The following KCNIP2 variants were observed in gnomAD, a reference collection of about 807,000 sequenced individuals.
The protein encoded by KCNIP2 is A-type potassium channel modulatory protein KCNIP2.
A neutral mutation model predicts 39.0 loss-of-function variants in KCNIP2; 19 were observed. The observed-to-expected ratio is 0.49, with a 90% CI of 0.34 to 0.71. The LOEUF (loss-of-function observed/expected upper bound fraction) is 0.71. Among genes scored for constraint, KCNIP2 ranks in the 30% least tolerant of loss-of-function variants. KCNIP2 has a pLI of 0.01. For missense variants in KCNIP2, 261 were observed against 346.0 expected, an observed-to-expected ratio of 0.75 and a Z score of 1.95; for synonymous variants, 111 against 131.2, an observed-to-expected ratio of 0.85 and a Z score of 1.05.
intron 1 of KCNIP2, among the ~76,000 whole-genome samples, chr10:101,835,157 G>A (rs1287289746): frequency 1.3e-5 from 2 of 151,944 alleles, no homozygotes; most frequent in African/African-American, 2.4e-5. Flanking sequence ...TTTGGAGGGT[G>A]GGTCTACTGT....
At chr10:101,840,548 G>GCC (rs1462342239) in intron 1 of KCNIP2, among the ~76,000 whole-genome samples, 60 of 57,096 alleles carry the variant, frequency 1.1e-3, no homozygotes, top group African/African-American at 1.4e-3. Flanking sequence ...AGCCCCCCCC[G>GCC]CACCCCCCCC....
At chr10:101,835,536 C>G (rs2066126810) in intron 1 of KCNIP2, among the ~76,000 whole-genome samples, 1 of 152,100 alleles carries the variant, frequency 6.6e-6, no homozygotes, top group Non-Finnish European at 1.5e-5. Flanking sequence ...TCCTTAGGAA[C>G]TGTTATTGAG....
chr10:101,840,297 G>T (rs898720472), intron 1 of KCNIP2, among the ~76,000 whole-genome samples: 3 of 150,984 alleles, frequency 2.0e-5, no homozygotes, highest in African/African-American at 7.3e-5. Context: ...GGGGTAAGAG[G>T]ACAGAGTTGT....
At chr10:101,830,679 GCC>G (rs1010574132) in intron 2 of KCNIP2, among the ~76,000 whole-genome samples, 9 of 131,180 alleles carry the variant, frequency 6.9e-5, no homozygotes, top group African/African-American at 2.0e-4. Flanking sequence ...CGCTGGTCAC[GCC>G]CACACACACA....
At chr10:101,837,696 T>C (rs1440063145) in intron 1 of KCNIP2, among the ~76,000 whole-genome samples, 4 of 151,932 alleles carry the variant, frequency 2.6e-5, no homozygotes, top group Non-Finnish European at 1.5e-5. Context: ...TAATAATGAG[T>C]TGTTTAACCA....
intron 1 of KCNIP2, among the ~76,000 whole-genome samples, chr10:101,837,825 G>T (rs2066210797): frequency 6.6e-6 from 1 of 152,150 alleles, no homozygotes; most frequent in African/African-American, 2.4e-5. Context: ...AATCAAAAAG[G>T]GTCAAATTCC....
At position 101,843,617 on chromosome 10, in the gene KCNIP2, T is replaced by C; in HGVS notation, c.-49A>G. 8.3e-7 allele frequency: 1 copy of C among 1,207,158 alleles called. No individual in the cohort carries two copies. The highest frequency in any genetic ancestry group is 2.8e-5 in the East Asian group (1 of 35,238). The allele number at this position is 1,207,158 out of a possible 1,614,324, so 74.8% of individuals were successfully genotyped here. A position where few individuals can be genotyped will look rare whatever the true frequency, so the allele number is the denominator to read the frequency against. On this transcript the variant is annotated 5_prime_UTR_variant, in exon 1 of 10. Transcript: ENST00000356640. The surrounding 1 kb of genome is among the most constrained non-coding windows in gnomAD (Gnocchi z 6.7). ...CCGGGCCGTGGGAGGGGGCGCCGGG[T>C]GGCCGGGATAGGGCGCTCACACGGC...
At chr10:101,841,507 C>T (rs2135215298) in intron 1 of KCNIP2, among the ~76,000 whole-genome samples, 1 of 152,338 alleles carries the variant, frequency 6.6e-6, no homozygotes, top group East Asian at 1.9e-4. Flanking sequence ...CCTATTTCTA[C>T]TTTCCAAGTC....
chr10:101,827,831 G>A, intron 8 of KCNIP2, 58 bp downstream of exon 8: 1 of 1,543,022 alleles, frequency 6.5e-7, no homozygotes, highest in Non-Finnish European at 9.0e-7. Flanking sequence ...GTTCCCTGCT[G>A]GTTCTTGGCC....
At chr10:101,842,580 AC>A (rs967043542) in intron 1 of KCNIP2, among the ~76,000 whole-genome samples, 3 of 152,198 alleles carry the variant, frequency 2.0e-5, no homozygotes, top group African/African-American at 7.2e-5. Context: ...GAGAGGGCTG[AC>A]CCAGCACTAA....
intron 1 of KCNIP2, among the ~76,000 whole-genome samples, chr10:101,837,824 G>T (rs1250478909): frequency 6.6e-6 from 1 of 152,144 alleles, no homozygotes; most frequent in Non-Finnish European, 1.5e-5. Context: ...AAATCAAAAA[G>T]GGTCAAATTC....
At chr10:101,830,603 A>G (rs1467734082) in intron 2 of KCNIP2, among the ~76,000 whole-genome samples, 1 of 150,812 alleles carries the variant, frequency 6.6e-6, no homozygotes, top group Non-Finnish European at 1.5e-5. Context: ...CGCTGGCTTC[A>G]GCCGCACACG....
At chr10:101,830,501 C>T (rs1049088165) in intron 2 of KCNIP2, 32 of 1,236,126 alleles carry the variant, frequency 2.6e-5, no homozygotes, top group Non-Finnish European at 3.3e-5. Flanking sequence ...CAGGCCTCAG[C>T]CTGGTCACAA....
rs911737806 is a variant in KCNIP2, at chr10:101,827,135, T to C, written c.*218A>G. The stretch of plus-strand genomic sequence containing the variant: ...TGTCAGGCAGGAAGGGGGTGAGAGC[T>C]GGTGGGAGTTGGGAACACCCCCCGA... On this transcript the variant is annotated 3_prime_UTR_variant, in exon 10 of 10. Coordinates refer to ENST00000356640, the MANE Select transcript of KCNIP2 (RefSeq NM_173191.3). 2 of 1,140,222 alleles carry C rather than the reference T, an allele frequency of 1.8e-6. No individual in the cohort carries two copies. The highest frequency in any genetic ancestry group is 3.0e-5 in the East Asian group (1 of 33,564). 70.6% of individuals were successfully genotyped at this position (1,140,222 alleles called of 1,614,324 possible).
At position 101,843,442 on chromosome 10, in the gene KCNIP2, T is replaced by G; in HGVS notation, c.73+54A>C. On this transcript the variant is annotated intron_variant, in intron 1 of 9. Transcript: ENST00000356640. This position sits in a 1 kb window ranked among gnomAD's most constrained non-coding sequence, Gnocchi z 6.7. ...GGCCGGGGTCGGAGAGGCGGAAGGG[T>G]CTGGAGGAATGGAATCCACCCTCCC... The G allele has an allele frequency of 8.0e-7, 1 of 1,244,804 alleles. No homozygotes were observed. The highest frequency in any genetic ancestry group is 1.5e-5 in the South Asian group (1 of 66,034). 77.1% of individuals were successfully genotyped at this position (1,244,804 alleles called of 1,614,324 possible).
At chr10:101,831,646 T>TCACA (rs534306919) in intron 1 of KCNIP2, among the ~76,000 whole-genome samples, 1 of 151,148 alleles carries the variant, frequency 6.6e-6, no homozygotes, top group Non-Finnish European at 1.5e-5. Context: ...ATATGCATGC[T>TCACA]CACACACACA....
At chr10:101,829,221 C>G in intron 3 of KCNIP2, 22 bp from the exon 4 acceptor site, 1 of 1,601,348 alleles carries the variant, frequency 6.2e-7, no homozygotes, top group Non-Finnish European at 8.5e-7. Context: ...GTGAGGACAG[C>G]CGCGCCTCAG....
rs72546684 is a variant in KCNIP2 at position 101,827,263 on chromosome 10, G to T, written c.*90C>A. ...CAGCCCCCAGGGAGGCGTAGGATGA[G>T]GATAGACCTGGGAAGAGAAGGGTGA... On this transcript the variant is annotated 3_prime_UTR_variant, in exon 10 of 10. Coordinates refer to ENST00000356640, the MANE Select transcript of KCNIP2 (RefSeq NM_173191.3). 4.5e-4 allele frequency: 670 copies of T among 1,494,074 alleles called. 5 individuals are homozygous for T. The East Asian group carries it at 0.013, about 29-fold the overall frequency. 92.6% of individuals were successfully genotyped at this position (1,494,074 alleles called of 1,614,324 possible).
In KCNIP2 at chr10:101,828,293, G is replaced by A. The variant is rs775767952; in HGVS notation, c.490-35C>T. On this transcript the variant is annotated intron_variant, in intron 6 of 9. Transcript: ENST00000356640. The surrounding 1 kb of genome is among the most constrained non-coding windows in gnomAD (Gnocchi z 6.6). ...AGGCAGGAGGGAGCTGTGTCCTCGG[G>A]TACTCTTCACCCAACTCCTTCTCTG... is the stretch of plus-strand genomic sequence containing the variant. The A allele has an allele frequency of 1.7e-5, 27 of 1,609,720 alleles. No individual in the cohort carries two copies. The South Asian group carries it at 2.6e-4, about 16-fold the overall frequency.
Sources: gnomAD v4.1 joint callset for allele counts (sites outside exome capture counted in the v4.1 genomes callset) on GRCh38, gnomAD v4.1.1 for gene constraint, Gnocchi (gnomAD v3.1) non-coding constraint, MANE v1.5 for transcripts, NCBI Gene and HGNC (gene_info 2026-07-23, HGNC 2026-07-21) for gene names.